MSANTD7: variants seen among roughly 807,000 people sequenced by gnomAD.
MSANTD7 encodes the protein zinc finger and SCAN domain containing 29.
the MSANTD7 span, chr10:14,846,648 T>A: frequency 4.9e-5 from 46 of 945,278 alleles, no homozygotes; most frequent in Non-Finnish European, 5.8e-5. Flanking sequence ...GGGAAACTCA[T>A]AATTGTCCTA....
At chr10:14,843,804 T>A in the MSANTD7 span, 1 of 1,536,314 alleles carries the variant, frequency 6.5e-7, no homozygotes, top group South Asian at 1.2e-5. Flanking sequence ...CAGTCAGACG[T>A]TTGGCAACAG....
the MSANTD7 span, chr10:14,842,586 G>A: frequency 2.1e-5 from 33 of 1,536,146 alleles, no homozygotes; most frequent in East Asian, 3.2e-4. This position sits in a 1 kb window ranked among gnomAD's most constrained non-coding sequence, Gnocchi z 5.2. Context: ...CAGCTTCTCC[G>A]AAATCAGATA....
the MSANTD7 span, chr10:14,844,645 C>T: frequency 1.0e-6 from 1 of 984,020 alleles, no homozygotes; most frequent in Non-Finnish European, 1.2e-6. Context: ...ATAAGAAGTG[C>T]CAGGGAGCCG....
chr10:14,846,467 C>G, the MSANTD7 span: 1 of 985,246 alleles, frequency 1.0e-6, no homozygotes, highest in Non-Finnish European at 1.2e-6. Flanking sequence ...AATAAGTACA[C>G]AGAAAAATAG....
At chr10:14,839,006 A>G in the MSANTD7 span, among the ~76,000 whole-genome samples, 5 of 152,096 alleles carry the variant, frequency 3.3e-5, no homozygotes, top group Admixed American at 1.3e-4. Flanking sequence ...CTGGGCCCGA[A>G]CGTCTAGGTC....
At chr10:14,845,887 C>A in the MSANTD7 span, 1 of 446,042 alleles carries the variant, frequency 2.2e-6, no homozygotes, top group Non-Finnish European at 3.0e-6. Flanking sequence ...TTCTTTATCT[C>A]CGGATTGAGG....
chr10:14,843,480 C>G, the MSANTD7 span: 1 of 1,550,516 alleles, frequency 6.4e-7, no homozygotes, highest in Non-Finnish European at 8.7e-7. Context: ...CCGGGGAGCC[C>G]AGCCCCTGCA....
chr10:14,846,967 G>A, the MSANTD7 span: 131 of 985,306 alleles, frequency 1.3e-4, no homozygotes, highest in African/African-American at 2.1e-3. Context: ...CGGTAATCCT[G>A]GTGTGGACAA....
At chr10:14,838,382 C>T in the MSANTD7 span, 26 of 1,593,814 alleles carry the variant, frequency 1.6e-5, no homozygotes, top group East Asian at 4.5e-5. Context: ...TCATTCCTGC[C>T]GCTGCCGTCC....
At chr10:14,845,998 A>G in the MSANTD7 span, 8 of 934,340 alleles carry the variant, frequency 8.6e-6, no homozygotes, top group Non-Finnish European at 8.9e-6. Context: ...TAATTGTAAT[A>G]TTTTCTGTCA....
At chr10:14,842,894 C>G in the MSANTD7 span, 1 of 1,301,344 alleles carries the variant, frequency 7.7e-7, no homozygotes, top group Admixed American at 2.4e-5. The surrounding 1 kb of genome is among the most constrained non-coding windows in gnomAD (Gnocchi z 5.2). Flanking sequence ...TCTTGTGGCT[C>G]TAAACATTTA....
the MSANTD7 span, chr10:14,844,198 C>T: frequency 1.5e-5 from 17 of 1,162,180 alleles, no homozygotes; most frequent in South Asian, 1.0e-4. Flanking sequence ...TTTCCTCATC[C>T]GTAAAATGGG....
At chr10:14,846,631 A>T in the MSANTD7 span, 3 of 952,024 alleles carry the variant, frequency 3.2e-6, no homozygotes, top group African/African-American at 1.8e-5. Context: ...TTCCTCATTT[A>T]TAAAGTGGGA....
At chr10:14,843,382 G>A in the MSANTD7 span, 5 of 1,550,788 alleles carry the variant, frequency 3.2e-6, no homozygotes. Context: ...GTGCTCTCAA[G>A]GGACCCCCAG....
the MSANTD7 span, chr10:14,838,610 G>A: frequency 1.4e-5 from 10 of 717,834 alleles, no homozygotes; most frequent in Non-Finnish European, 2.2e-6. Flanking sequence ...GAAGGGCCGG[G>A]CAGGCCCGGC....
At chr10:14,845,905 A>T in the MSANTD7 span, 1 of 544,522 alleles carries the variant, frequency 1.8e-6, no homozygotes, top group Non-Finnish European at 2.3e-6. Context: ...AGGGATTTGT[A>T]TTAGATTTTT....
chr10:14,839,577 A>C, the MSANTD7 span, among the ~76,000 whole-genome samples: 22,548 of 151,590 alleles, frequency 0.15, 3,906 homozygotes, highest in African/African-American at 0.42. Context: ...TGTCCAAAAA[A>C]AAAAAAAAAA....
the MSANTD7 span, chr10:14,845,074 A>G: frequency 1.0e-6 from 1 of 985,478 alleles, no homozygotes; most frequent in East Asian, 1.1e-4. Context: ...TGCCTGCAAT[A>G]GATGACTCCT....
chr10:14,843,455 C>T, the MSANTD7 span: 2 of 1,550,566 alleles, frequency 1.3e-6, no homozygotes, highest in African/African-American at 2.7e-5. Context: ...AGCCCCATGG[C>T]CAGACTGGGT....
Sources: gnomAD v4.1 joint callset for allele counts (sites outside exome capture counted in the v4.1 genomes callset) on GRCh38, gnomAD v4.1.1 for gene constraint, Gnocchi (gnomAD v3.1) non-coding constraint, MANE v1.5 for transcripts, NCBI Gene and HGNC (gene_info 2026-07-23, HGNC 2026-07-21) for gene names.